The following PHF24 variants were observed in gnomAD, a reference collection of about 807,000 sequenced individuals.
PHF24 encodes the protein PHD finger protein 24.
In PHF24, 25 loss-of-function variants were observed where a neutral mutation model predicts 42.6. That is an observed-to-expected ratio of 0.59 (90% CI 0.43 to 0.82). The LOEUF (loss-of-function observed/expected upper bound fraction) is 0.82, where lower values mean the gene tolerates loss of function less well. Among genes scored for constraint, PHF24 ranks in the 40% least tolerant of loss-of-function variants. The pLI is 0.00. For missense variants in PHF24, 470 were observed against 538.1 expected, an observed-to-expected ratio of 0.87 and a Z score of 1.25; for synonymous variants, 185 against 204.8, an observed-to-expected ratio of 0.90 and a Z score of 0.83.
At chr9:34,893,029 G>C in the PHF24 span, 2 of 942,470 alleles carry the variant, frequency 2.1e-6, no homozygotes, top group African/African-American at 1.6e-5. Flanking sequence ...AAGTCAGGGA[G>C]ATCTGGTTGT....
the PHF24 span, among the ~76,000 whole-genome samples, chr9:34,891,596 CT>C: frequency 6.6e-6 from 1 of 152,180 alleles, no homozygotes; most frequent in African/African-American, 2.4e-5. Context: ...ACTGCTGGAT[CT>C]TTTGGATCAG....
chr9:34,667,361 A>G, the PHF24 span, among the ~76,000 whole-genome samples: 1 of 152,164 alleles, frequency 6.6e-6, no homozygotes, highest in South Asian at 2.1e-4. Context: ...TCTGAGCCAC[A>G]TACAGAGAGC....
At chr9:34,842,379 A>G in the PHF24 span, among the ~76,000 whole-genome samples, 1 of 152,196 alleles carries the variant, frequency 6.6e-6, no homozygotes, top group African/African-American at 2.4e-5. Flanking sequence ...ATCATATGAT[A>G]GTTGTATGCT....
the PHF24 span, among the ~76,000 whole-genome samples, chr9:34,767,320 A>T: frequency 6.6e-6 from 1 of 152,220 alleles, no homozygotes; most frequent in Non-Finnish European, 1.5e-5. Flanking sequence ...GAGCCCACAG[A>T]GGCATGCAGG....
At chr9:34,875,936 A>ACTCT in the PHF24 span, among the ~76,000 whole-genome samples, 713 of 87,350 alleles carry the variant, frequency 8.2e-3, 9 homozygotes, top group Admixed American at 0.011. Flanking sequence ...ACACACACAC[A>ACTCT]CACACACACA....
chr9:34,863,125 A>G, the PHF24 span, among the ~76,000 whole-genome samples: 1 of 152,058 alleles, frequency 6.6e-6, no homozygotes, highest in Non-Finnish European at 1.5e-5. Flanking sequence ...AGCACCAGGT[A>G]GATTTCTAAG....
the PHF24 span, among the ~76,000 whole-genome samples, chr9:34,842,885 G>T: frequency 6.6e-6 from 1 of 152,154 alleles, no homozygotes; most frequent in Admixed American, 6.5e-5. Flanking sequence ...GTCAACCCTT[G>T]GTACAATCCT....
chr9:34,721,752 C>T, the PHF24 span, among the ~76,000 whole-genome samples: 1 of 152,176 alleles, frequency 6.6e-6, no homozygotes, highest in African/African-American at 2.4e-5. Flanking sequence ...ACCTTCATCT[C>T]CATCATTCAC....
the PHF24 span, among the ~76,000 whole-genome samples, chr9:34,930,091 TA>T: frequency 6.6e-6 from 1 of 152,332 alleles, no homozygotes; most frequent in East Asian, 1.9e-4. Flanking sequence ...CATTTCCACG[TA>T]AAATAGAGAA....
the PHF24 span, chr9:34,889,158 A>C: frequency 7.5e-6 from 3 of 398,514 alleles, no homozygotes; most frequent in Non-Finnish European, 1.3e-5. Context: ...AGGGGATTGC[A>C]GAGGTTCAGG....
the PHF24 span, among the ~76,000 whole-genome samples, chr9:34,695,244 T>C: frequency 6.6e-6 from 1 of 152,180 alleles, no homozygotes; most frequent in Non-Finnish European, 1.5e-5. Context: ...GTACTGATAC[T>C]TCCATTAAAA....
intron 3 of PHF24, among the ~76,000 whole-genome samples, chr9:34,973,090 C>T (rs1418935547): frequency 2.0e-5 from 3 of 152,074 alleles, no homozygotes; most frequent in African/African-American, 7.2e-5. Context: ...CGGTAGCATA[C>T]ATCTCAATGT....
chr9:34,810,538 C>T, the PHF24 span, among the ~76,000 whole-genome samples: 1 of 152,124 alleles, frequency 6.6e-6, no homozygotes, highest in Admixed American at 6.5e-5. Flanking sequence ...GCTGCAGGAG[C>T]CTCGTGATGG....
chr9:34,982,197 G>C (rs1276453594), exon 8 of PHF24: 1 of 152,160 alleles, frequency 6.6e-6, no homozygotes, highest in African/African-American at 2.4e-5. Context: ...AAGTAGCCAG[G>C]CCTTTTCATA....
At chr9:34,903,815 A>C in the PHF24 span, among the ~76,000 whole-genome samples, 1 of 152,096 alleles carries the variant, frequency 6.6e-6, no homozygotes, top group Non-Finnish European at 1.5e-5. Context: ...CATGAGATTG[A>C]TGTGTTTCCA....
the PHF24 span, among the ~76,000 whole-genome samples, chr9:34,937,559 A>T: frequency 2.0e-5 from 3 of 151,288 alleles, no homozygotes; most frequent in South Asian, 6.2e-4. Context: ...ACCTTTGTTC[A>T]CTTGTTTATC....
the PHF24 span, among the ~76,000 whole-genome samples, chr9:34,858,415 A>G: frequency 0.46 from 70,545 of 151,824 alleles, 17,061 homozygotes; most frequent in East Asian, 0.67. Flanking sequence ...GGTATGTCCT[A>G]GAGCCTGGGT....
At chr9:34,950,000 G>A in the PHF24 span, among the ~76,000 whole-genome samples, 9 of 151,416 alleles carry the variant, frequency 5.9e-5, no homozygotes, top group South Asian at 1.9e-3. Flanking sequence ...ATGTATCCCA[G>A]TACTTAGAGT....
the PHF24 span, chr9:34,832,537 G>C: frequency 4.3e-5 from 65 of 1,529,038 alleles, no homozygotes; most frequent in Middle Eastern, 1.5e-3. Context: ...CTCTTGGCTG[G>C]AGCCAGGCTC....
Sources: gnomAD v4.1 joint callset for allele counts (sites outside exome capture counted in the v4.1 genomes callset) on GRCh38, gnomAD v4.1.1 for gene constraint, MANE v1.5 for transcripts, NCBI Gene and HGNC (gene_info 2026-07-23, HGNC 2026-07-21) for gene names.